The following SACM1L variants were observed in gnomAD, a reference collection of about 807,000 sequenced individuals.
SACM1L encodes phosphatidylinositol-3-phosphatase SAC1.
A neutral mutation model predicts 89.5 loss-of-function variants in SACM1L; 32 were observed. The ratio of observed to expected loss-of-function variants is 0.36; its 90% CI spans 0.27 to 0.48. The LOEUF (loss-of-function observed/expected upper bound fraction) is 0.48. Ranked by LOEUF, SACM1L falls within the 20% of genes least tolerant of loss-of-function variation. SACM1L has a pLI of 0.99. For synonymous variants in SACM1L, 213 were observed against 232.8 expected (o/e 0.92, Z 0.77); for missense variants, 543 against 708.5 (o/e 0.77, Z 2.65).
rs1699294876 is a variant in SACM1L, at chr3:45,740,732, TC to T, written c.1627+1089del. ...CTTTATAAGTGTCTGTGATTTTTTTTCAAAAGTGAGATACGTATTTTCATTA... is the reference window on the plus strand; with the variant it reads ...CTTTATAAGTGTCTGTGATTTTTTTTAAAAGTGAGATACGTATTTTCATTA... On this transcript the variant is annotated intron_variant, in intron 19 of 19. Coordinates refer to ENST00000389061, the MANE Select transcript of SACM1L (RefSeq NM_014016.5). Among the ~76,000 whole-genome samples the T allele has an allele frequency of 2.0e-5, 3 of 152,338 alleles. No individual in the cohort carries two copies. The South Asian group carries it at 6.2e-4, about 32-fold the overall frequency.
Position 45,706,852 on chromosome 3 carries a change from C to T in SACM1L, c.278C>T (p.Thr93Ile). 1 of 1,613,004 alleles carries T rather than the reference C, an allele frequency of 6.2e-7. No individual in the cohort carries two copies. The highest frequency in any genetic ancestry group is 8.5e-7 in the Non-Finnish European group (1 of 1,179,298). The change falls in exon 4 of 20, where the codon ACA becomes ATA. Residue 93 changes from threonine to isoleucine, a missense_variant. Coordinates refer to ENST00000389061, the MANE Select transcript of SACM1L (RefSeq NM_014016.5). The stretch of plus-strand genomic sequence containing the variant: ...TTCAGTCATGTAGTCTGGAAAGCAA[C>T]AGATTTTGATGTCCTTTCTTATAAG... ...EFFSHVVWKA[T>I]DFDVLSYKKT...
rs1324664621 is a variant in SACM1L, at chr3:45,738,649, A to G, written c.1454A>G (p.Asn485Ser). The change falls in exon 17 of 20, where the codon AAC (asparagine) becomes AGC (serine). Residue 485 changes from asparagine to serine, a missense_variant. Asn to Ser is a conservative substitution (Grantham distance 46, BLOSUM62 1). Coordinates refer to ENST00000389061, the MANE Select transcript of SACM1L (RefSeq NM_014016.5). ...WNSMIRYYKN[N>S]FSDGFRQDSI... ...TCAATGATACGATATTATAAGAACA[A>G]CTTTTCCGATGGATTTAGACAAGTA... The G allele has an allele frequency of 6.2e-7, 1 of 1,611,090 alleles. No homozygotes were observed. Among genetic ancestry groups the G allele is most frequent in the East Asian group, 2.2e-5 (1 of 44,782 alleles).
Position 45,741,028 on chromosome 3 carries a change from C to T in SACM1L, c.1627+1384C>T, listed in dbSNP as rs551278111. Among the ~76,000 whole-genome samples the T allele has an allele frequency of 2.0e-5, 3 of 152,286 alleles. No individual in the cohort carries two copies. The South Asian group carries it at 6.2e-4, about 32-fold the overall frequency. Reference sequence around the variant, plus strand: ...AAGATTAAAGTGAGAAGAATGTATTCTTTATTCTCCTTTGAGTAATGTCCT... The same window carrying T: ...AAGATTAAAGTGAGAAGAATGTATTTTTTATTCTCCTTTGAGTAATGTCCT... On this transcript the variant is annotated intron_variant, in intron 19 of 19. Coordinates refer to ENST00000389061, the MANE Select transcript of SACM1L (RefSeq NM_014016.5).
intron 11 of SACM1L, among the ~76,000 whole-genome samples, chr3:45,729,724 G>C (rs767392734): frequency 2.2e-4 from 34 of 152,184 alleles, no homozygotes; most frequent in Non-Finnish European, 4.4e-4. Context: ...CTGCTTTTCA[G>C]GATTCCGTTT....
Position 45,709,648 on chromosome 3 carries a change from G to A in SACM1L, c.483+1G>A. 6.2e-7 allele frequency: 1 copy of A among 1,600,910 alleles called. No individual in the cohort carries two copies. The highest frequency in any genetic ancestry group is 1.1e-5 in the South Asian group (1 of 87,932). ...CCAAGAAATGAGTCTCTTGGAAAGG[G>A]TAAGCTTGATCTTCAATTATTTTTA... is the stretch of plus-strand genomic sequence containing the variant. On this transcript the variant is annotated splice_donor_variant, in intron 5 of 19. Coordinates refer to ENST00000389061, the MANE Select transcript of SACM1L (RefSeq NM_014016.5). LOFTEE classifies it high-confidence loss of function.
In SACM1L at chr3:45,743,545, C is replaced by T. The variant is rs775517542; in HGVS notation, c.1640C>T (p.Thr547Ile). The T allele has an allele frequency of 6.2e-7, 1 of 1,610,180 alleles. No individual in the cohort carries two copies. The highest frequency in any genetic ancestry group is 1.1e-5 in the South Asian group (1 of 90,008). ...TTAATATCAACAGGTGACACTTGGA[C>T]AGAAACACTGGCCTATGTGCTCTTC... is the stretch of plus-strand genomic sequence containing the variant. ...ICLLMAGDTW[T>I]ETLAYVLFWG... Residue 547 changes from threonine (T) to isoleucine (I), a missense_variant, in exon 20 of 20, where the codon ACA becomes ATA. Thr to Ile is a moderately conservative substitution (Grantham distance 89). Around this residue, in one of 2 missense-constraint regions of SACM1L, gnomAD observed 370 missense variants for 527.6 expected, o/e 0.70. Transcript: ENST00000389061.
At chr3:45,735,399 T>C in intron 14 of SACM1L, 26 bp downstream of exon 14, 1 of 1,476,168 alleles carries the variant, frequency 6.8e-7, no homozygotes, top group Non-Finnish European at 9.0e-7. Flanking sequence ...TTTTTTTTAA[T>C]TGAAAAACAA....
At chr3:45,712,257 T>C (rs1261871410) in intron 5 of SACM1L, among the ~76,000 whole-genome samples, 1 of 152,186 alleles carries the variant, frequency 6.6e-6, no homozygotes, top group Non-Finnish European at 1.5e-5. Context: ...TTGTTTTTTC[T>C]TTTTTGAGAC....
intron 11 of SACM1L, among the ~76,000 whole-genome samples, chr3:45,726,205 T>C (rs1419416750): frequency 6.6e-6 from 1 of 152,180 alleles, no homozygotes; most frequent in Non-Finnish European, 1.5e-5. Flanking sequence ...ATCTTATCTT[T>C]ACAGAATAAG....
chr3:45,735,656 G>A (rs1699180840), intron 14 of SACM1L, among the ~76,000 whole-genome samples: 1 of 151,506 alleles, frequency 6.6e-6, no homozygotes, highest in Admixed American at 6.6e-5. Flanking sequence ...CTACATTTTT[G>A]GTTTATAAAT....
At chr3:45,689,794 C>G in intron 1 of SACM1L, 1 of 564,664 alleles carries the variant, frequency 1.8e-6, no homozygotes, top group Non-Finnish European at 3.2e-6. Flanking sequence ...TGCGGCCCTT[C>G]AGGGCACGCT....
chr3:45,714,029 A>G lies in SACM1L; in HGVS notation c.544-17A>G. On this transcript the variant is annotated splice_polypyrimidine_tract_variant and intron_variant, in intron 6 of 19. Coordinates refer to ENST00000389061, the MANE Select transcript of SACM1L (RefSeq NM_014016.5). ...TTTTTAAAGTATATTTATTCTAAAT[A>G]TATATCTTCATTTCAGGTTCATCGG... 7.1e-7 allele frequency: 1 copy of G among 1,410,362 alleles called. No homozygotes were observed. Among genetic ancestry groups the G allele is most frequent in the Non-Finnish European group, 9.8e-7 (1 of 1,018,028 alleles). 87.4% of individuals were successfully genotyped at this position (1,410,362 alleles called of 1,614,324 possible). A position where few individuals can be genotyped will look rare whatever the true frequency, so the allele number is the denominator to read the frequency against.
intron 3 of SACM1L, among the ~76,000 whole-genome samples, chr3:45,705,786 G>A (rs1473262650): frequency 1.3e-5 from 2 of 152,098 alleles, no homozygotes; most frequent in Non-Finnish European, 2.9e-5. Flanking sequence ...TTACAGGCAT[G>A]AGCCACCACG....
At chr3:45,701,280 T>C (rs911017090) in intron 1 of SACM1L, among the ~76,000 whole-genome samples, 1 of 152,172 alleles carries the variant, frequency 6.6e-6, no homozygotes, top group Non-Finnish European at 1.5e-5. Context: ...CTTTAGACTT[T>C]TACAAAACTG....
At chr3:45,715,925 T>A (rs2742393) in intron 7 of SACM1L, among the ~76,000 whole-genome samples, 73,732 of 151,890 alleles carry the variant, frequency 0.49, 18,429 homozygotes, top group Middle Eastern at 0.57. Context: ...TTCTAGGCAA[T>A]TTTAGAAACA....
chr3:45,706,051 G>A (rs971994533), intron 3 of SACM1L, among the ~76,000 whole-genome samples: 6 of 152,214 alleles, frequency 3.9e-5, no homozygotes, highest in South Asian at 2.1e-4. Context: ...TGAGAGAGGC[G>A]TGTAAGTAGT....
chr3:45,737,346 A>G (rs772011603), intron 14 of SACM1L: 24 of 536,834 alleles, frequency 4.5e-5, no homozygotes, highest in Non-Finnish European at 7.1e-5. Flanking sequence ...TCCTGCTGCT[A>G]TCCCTCAAGG....
intron 11 of SACM1L, among the ~76,000 whole-genome samples, chr3:45,726,250 A>G (rs550416061): frequency 2.6e-5 from 4 of 152,204 alleles, no homozygotes; most frequent in South Asian, 4.1e-4. Flanking sequence ...GCTTTTTGGT[A>G]GAGTTTGAGG....
chr3:45,736,664 G>T (rs1197459507), intron 14 of SACM1L, among the ~76,000 whole-genome samples: 1 of 152,144 alleles, frequency 6.6e-6, no homozygotes, highest in Non-Finnish European at 1.5e-5. Flanking sequence ...TATTAGGAAT[G>T]GTTTGGTTCC....
Sources: gnomAD v4.1 joint callset for allele counts (sites outside exome capture counted in the v4.1 genomes callset) on GRCh38, gnomAD v4.1.1 for gene constraint, gnomAD v4.1.1 regional missense constraint, MANE v1.5 for transcripts, NCBI Gene and HGNC (gene_info 2026-07-23, HGNC 2026-07-21) for gene names.